Variants in CSMD1 observed in about 807,000 individuals in gnomAD.
CSMD1 encodes the protein CUB and Sushi multiple domains 1, also known as CUB and sushi domain-containing protein 1.
CSMD1 carries 213 observed loss-of-function variants against 417.5 expected under a neutral mutation model. The ratio of observed to expected loss-of-function variants is 0.51; its 90% CI spans 0.46 to 0.57. The LOEUF (loss-of-function observed/expected upper bound fraction) is 0.57. Ranked by LOEUF, CSMD1 falls within the 20% of genes least tolerant of loss-of-function variation. CSMD1 has a pLI of 0.00. For missense variants in CSMD1, 6,923 were observed against 4,529.7 expected (o/e 1.53, Z -15.17); for synonymous variants, 2,862 against 1,736.8 (o/e 1.65, Z -16.11).
intron 1 of CSMD1, among the ~76,000 whole-genome samples, chr8:4,867,669 G>GA (rs1203450748): frequency 1.3e-5 from 2 of 152,038 alleles, no homozygotes; most frequent in Non-Finnish European, 2.9e-5. Flanking sequence ...ATGGTGCTGA[G>GA]AAAAGTTATA....
intron 3 of CSMD1, among the ~76,000 whole-genome samples, chr8:4,246,807 G>A (rs972587253): frequency 6.6e-6 from 1 of 152,074 alleles, no homozygotes; most frequent in Non-Finnish European, 1.5e-5. Context: ...ATGTAGTATA[G>A]GACATTTGAC....
intron 10 of CSMD1, among the ~76,000 whole-genome samples, chr8:3,517,245 G>T (rs1381723870): frequency 6.6e-6 from 1 of 152,168 alleles, no homozygotes; most frequent in South Asian, 2.1e-4. Context: ...TGATTAGAGG[G>T]AAAACTTGAA....
At chr8:3,614,562 T>C (rs139690668) in intron 8 of CSMD1, among the ~76,000 whole-genome samples, 1 of 152,190 alleles carries the variant, frequency 6.6e-6, no homozygotes, top group Non-Finnish European at 1.5e-5. Flanking sequence ...AGCTTAAGCA[T>C]TTCCTCTGTC....
intron 3 of CSMD1, among the ~76,000 whole-genome samples, chr8:4,409,356 C>G (rs527441019): frequency 6.6e-6 from 1 of 152,092 alleles, no homozygotes; most frequent in South Asian, 2.1e-4. Flanking sequence ...ATCTTCTCCT[C>G]GAATTGCCTC....
chr8:4,114,750 G>A (rs115394308), intron 3 of CSMD1, among the ~76,000 whole-genome samples: 1 of 152,164 alleles, frequency 6.6e-6, no homozygotes, highest in East Asian at 1.9e-4. Context: ...CTTTACAGTT[G>A]AGTTTCAAGA....
intron 1 of CSMD1, among the ~76,000 whole-genome samples, chr8:4,871,069 T>A (rs531248999): frequency 2.2e-4 from 33 of 152,192 alleles, no homozygotes; most frequent in African/African-American, 7.0e-4. Flanking sequence ...GTGAGGCAGT[T>A]GCAACAGCTC....
chr8:3,030,087 T>C (rs1472454080), intron 50 of CSMD1, among the ~76,000 whole-genome samples: 2 of 152,096 alleles, frequency 1.3e-5, no homozygotes, highest in African/African-American at 4.8e-5. Context: ...AGACCATCTA[T>C]TCATGTCCTT....
chr8:3,328,135 A>T (rs1806654478), intron 23 of CSMD1, among the ~76,000 whole-genome samples: 1 of 152,166 alleles, frequency 6.6e-6, no homozygotes, highest in African/African-American at 2.4e-5. Flanking sequence ...TCAATGTCAA[A>T]ATCCAAGCCA....
chr8:4,313,254 G>C (rs1179657490), intron 3 of CSMD1, among the ~76,000 whole-genome samples: 2 of 152,076 alleles, frequency 1.3e-5, no homozygotes, highest in East Asian at 1.9e-4. Context: ...TAAATTTTCA[G>C]TCACTTTCCT....
Position 4,399,394 on chromosome 8 carries a change from G to A in CSMD1, c.415+20559C>T, listed in dbSNP as rs571003198. 2.0e-5 allele frequency among the ~76,000 whole-genome samples: 3 copies of A among 152,268 alleles called. No individual in the cohort carries two copies. The South Asian group carries it at 6.2e-4, about 32-fold the overall frequency. ...TAATTAGAATAGAGTTTCAAACATA[G>A]GCAAGGGCTAAAGAGGTTAACGTCA... On this transcript the variant is annotated intron_variant, in intron 3 of 69. Transcript: ENST00000635120.
intron 3 of CSMD1, among the ~76,000 whole-genome samples, chr8:4,363,320 ACAGG>A (rs1296610004): frequency 6.6e-6 from 1 of 152,146 alleles, no homozygotes. Context: ...ATTCTATACT[ACAGG>A]TACCCTGCAT....
intron 3 of CSMD1, among the ~76,000 whole-genome samples, chr8:4,047,559 G>T (rs1489400115): frequency 6.6e-6 from 1 of 150,574 alleles, no homozygotes; most frequent in South Asian, 2.1e-4. Context: ...AATATTTATA[G>T]AATGCAAATT....
intron 8 of CSMD1, among the ~76,000 whole-genome samples, chr8:3,590,544 C>G (rs1448378295): frequency 1.3e-5 from 2 of 152,166 alleles, no homozygotes; most frequent in Admixed American, 6.5e-5. Context: ...TCTCTGCGCA[C>G]ATTCATATTC....
chr8:4,567,639 C>A (rs1798675559), intron 2 of CSMD1, among the ~76,000 whole-genome samples: 1 of 152,180 alleles, frequency 6.6e-6, no homozygotes, highest in African/African-American at 2.4e-5. Flanking sequence ...GATGCTCCTC[C>A]TTTCTCCCAA....
At chr8:3,176,536 G>A (rs1380907127) in intron 37 of CSMD1, among the ~76,000 whole-genome samples, 2 of 152,096 alleles carry the variant, frequency 1.3e-5, no homozygotes, top group Non-Finnish European at 2.9e-5. Context: ...AATCTCTAGA[G>A]TAATTTTAAA....
intron 6 of CSMD1, among the ~76,000 whole-genome samples, chr8:3,725,380 A>G (rs910950148): frequency 1.3e-5 from 2 of 152,212 alleles, no homozygotes; most frequent in African/African-American, 2.4e-5. Flanking sequence ...CTGGATGACC[A>G]GGATAGACAT....
At chr8:4,063,310 T>C (rs1191211194) in intron 3 of CSMD1, among the ~76,000 whole-genome samples, 1 of 151,972 alleles carries the variant, frequency 6.6e-6, no homozygotes, top group African/African-American at 2.4e-5. Flanking sequence ...AGTTACAATG[T>C]AAAAAATAAT....
At chr8:3,668,887 G>T in intron 7 of CSMD1, among the ~76,000 whole-genome samples, 1 of 152,148 alleles carries the variant, frequency 6.6e-6, no homozygotes, top group Non-Finnish European at 1.5e-5. Context: ...CTTAATGCGG[G>T]TGGCAAAGCA....
chr8:4,573,303 C>T (rs7012094), intron 2 of CSMD1, among the ~76,000 whole-genome samples: 67,106 of 151,950 alleles, frequency 0.44, 15,266 homozygotes, highest in African/African-American at 0.55. Flanking sequence ...ATGGGATTTT[C>T]GCATGGGCAT....
Sources: gnomAD v4.1 joint callset for allele counts (sites outside exome capture counted in the v4.1 genomes callset) on GRCh38, gnomAD v4.1.1 for gene constraint, MANE v1.5 for transcripts, NCBI Gene and HGNC (gene_info 2026-07-23, HGNC 2026-07-21) for gene names.